PCDHGA12: variants seen among roughly 807,000 people sequenced by gnomAD.
The protein encoded by PCDHGA12 is protocadherin gamma subfamily A, 12, also known as protocadherin gamma-A12.
PCDHGA12 carries 43 observed loss-of-function variants against 61.1 expected under a neutral mutation model. The ratio of observed to expected loss-of-function variants is 0.70; its 90% CI spans 0.55 to 0.91. PCDHGA12 has a LOEUF of 0.91. Among genes scored for constraint, PCDHGA12 ranks in the 40% least tolerant of loss-of-function variants. PCDHGA12 has a pLI of 0.00. For missense variants in PCDHGA12, 1,236 were observed against 1,227.7 expected, an observed-to-expected ratio of 1.01 and a Z score of -0.10; for synonymous variants, 520 against 542.9, an observed-to-expected ratio of 0.96 and a Z score of 0.59.
intron 1 of PCDHGA12, chr5:141,442,416 T>A (rs2098323395): frequency 6.6e-6 from 1 of 152,206 alleles, no homozygotes; most frequent in Non-Finnish European, 1.5e-5. Flanking sequence ...CTGAGTGAAC[T>A]TCTTTTTTGA....
At chr5:141,435,516 C>T (rs2097767967) in intron 1 of PCDHGA12, among the ~76,000 whole-genome samples, 1 of 152,058 alleles carries the variant, frequency 6.6e-6, no homozygotes, top group Non-Finnish European at 1.5e-5. Context: ...CTAATGATGA[C>T]TTTGTGGAAT....
Position 141,431,222 on chromosome 5 carries a change from C to A in PCDHGA12, c.463C>A (p.Pro155Thr). The change falls in exon 1 of 4, where the codon CCC (proline) becomes ACC (threonine). Residue 155 changes from proline (P) to threonine (T), a missense_variant. Physicochemically the swap from Pro to Thr is conservative, Grantham distance 38 (BLOSUM62 -1). Transcript: ENST00000252085. The surrounding 1 kb of genome is among the most constrained non-coding windows in gnomAD (Gnocchi z 4.8). ...NAATEMRFPL[P>T]HAWDPDIGKN... ...AGCCACTGAGATGCGGTTCCCTCTA[C>A]CCCACGCCTGGGATCCGGATATCGG... 3 of 1,614,170 alleles carry A rather than the reference C, an allele frequency of 1.9e-6. No individual in the cohort carries two copies. The highest frequency in any genetic ancestry group is 2.5e-6 in the Non-Finnish European group (3 of 1,180,034).
At chr5:141,467,460 T>G (rs1354012953) in intron 1 of PCDHGA12, among the ~76,000 whole-genome samples, 1 of 152,246 alleles carries the variant, frequency 6.6e-6, no homozygotes. Context: ...CCAGTGCTAG[T>G]ACTTGCATGG....
At chr5:141,452,256 C>T (rs533770410) in intron 1 of PCDHGA12, among the ~76,000 whole-genome samples, 1 of 152,298 alleles carries the variant, frequency 6.6e-6, no homozygotes, top group African/African-American at 2.4e-5. Flanking sequence ...CCATAACTCT[C>T]TCATTTTCTT....
chr5:141,508,994 A>G (rs2099873731), intron 3 of PCDHGA12, among the ~76,000 whole-genome samples: 1 of 152,052 alleles, frequency 6.6e-6, no homozygotes, highest in South Asian at 2.1e-4. Flanking sequence ...CAGCTGGGGT[A>G]GGAGAGGAGG....
Position 141,511,042 on chromosome 5 carries a change from G to C in PCDHGA12, c.2668G>C (p.Asp890His), listed in dbSNP as rs774071540. Residue 890 changes from aspartate (D) to histidine (H), a missense_variant, in exon 4 of 4, where the codon GAC becomes CAC. Transcript: ENST00000252085. Reference sequence around the variant, plus strand: ...CCAGTTCACCCTGCAGCACGTGCCCGACTACCGCCAGAATGTCTACATCCC... The same window carrying C: ...CCAGTTCACCCTGCAGCACGTGCCCCACTACCGCCAGAATGTCTACATCCC... ...GPQFTLQHVP[D>H]YRQNVYIPGS... 6.2e-7 allele frequency: 1 copy of C among 1,614,182 alleles called. No homozygotes were observed. Among genetic ancestry groups the C allele is most frequent in the South Asian group, 1.1e-5 (1 of 91,084 alleles).
rs777856819 is a variant in PCDHGA12, at chr5:141,487,572, T to A, written c.2425-7235T>A. On this transcript the variant is annotated intron_variant, in intron 1 of 3. Coordinates refer to ENST00000252085, the MANE Select transcript of PCDHGA12 (RefSeq NM_003735.3). The surrounding 1 kb of genome is among the most constrained non-coding windows in gnomAD (Gnocchi z 5.0). ...AGTGCACCTATGGCAGGGGAGCCTG[T>A]TCGCCCAAGCTGCCCACCCTCTGAT... 1 of 1,614,168 alleles carries A rather than the reference T, an allele frequency of 6.2e-7. No individual in the cohort carries two copies. Among genetic ancestry groups the A allele is most frequent in the Non-Finnish European group, 8.5e-7 (1 of 1,180,034 alleles).
Position 141,477,540 on chromosome 5 carries a change from C to T in PCDHGA12, c.2425-17267C>T, listed in dbSNP as rs777796922. On this transcript the variant is annotated intron_variant, in intron 1 of 3. Coordinates refer to ENST00000252085, the MANE Select transcript of PCDHGA12 (RefSeq NM_003735.3). The surrounding 1 kb of genome is among the most constrained non-coding windows in gnomAD (Gnocchi z 4.9). Reference sequence around the variant, plus strand: ...GAAGAAAACAACCTCCCCGGGGCTCCAATACTAAACCTAAGTGTCTGGGAC... The same window carrying T: ...GAAGAAAACAACCTCCCCGGGGCTCTAATACTAAACCTAAGTGTCTGGGAC... The T allele has an allele frequency of 6.8e-6, 11 of 1,614,036 alleles. 1 individual carries two copies. Among genetic ancestry groups the T allele is most frequent in the African/African-American group, 2.7e-5 (2 of 74,920 alleles).
Position 141,489,842 on chromosome 5 carries a change from A to T in PCDHGA12, c.2425-4965A>T. ...GAGCTGGTGCTAGAGCAGCAGCTGGATCGTGAAGCCCAGGCAAGACATCAG... is the reference window on the plus strand; with the variant it reads ...GAGCTGGTGCTAGAGCAGCAGCTGGTTCGTGAAGCCCAGGCAAGACATCAG... On this transcript the variant is annotated intron_variant, in intron 1 of 3. Coordinates refer to ENST00000252085, the MANE Select transcript of PCDHGA12 (RefSeq NM_003735.3). The surrounding 1 kb of genome is among the most constrained non-coding windows in gnomAD (Gnocchi z 4.5). 6.2e-7 allele frequency: 1 copy of T among 1,614,186 alleles called. No homozygotes were observed. Among genetic ancestry groups the T allele is most frequent in the South Asian group, 1.1e-5 (1 of 91,086 alleles).
chr5:141,446,256 T>C lies in PCDHGA12; in HGVS notation c.2424+13073T>C, dbSNP rs535879308. On this transcript the variant is annotated intron_variant, in intron 1 of 3. Transcript: ENST00000252085. Reference sequence around the variant, plus strand: ...CAAGTGGTAGATCTTCAGTGAAATATTATTAACTGAATAAATACAATGGAT... The same window carrying C: ...CAAGTGGTAGATCTTCAGTGAAATACTATTAACTGAATAAATACAATGGAT... Among the ~76,000 whole-genome samples the C allele has an allele frequency of 2.0e-5, 3 of 152,310 alleles. No homozygotes were observed. The East Asian group carries it at 5.8e-4, about 29-fold the overall frequency.
At chr5:141,453,786 A>G (rs2098774297) in intron 1 of PCDHGA12, among the ~76,000 whole-genome samples, 1 of 152,252 alleles carries the variant, frequency 6.6e-6, no homozygotes, top group Non-Finnish European at 1.5e-5. Flanking sequence ...TTACCATGGT[A>G]TATTAACTTT....
intron 1 of PCDHGA12, chr5:141,441,694 G>A (rs1443778772): frequency 2.3e-5 from 7 of 301,140 alleles, no homozygotes; most frequent in Non-Finnish European, 2.6e-5. Context: ...GAGCAGCCGC[G>A]AGCCTTCAAG....
Position 141,478,294 on chromosome 5 carries a change from A to G in PCDHGA12, c.2425-16513A>G, listed in dbSNP as rs147994096. The G allele has an allele frequency of 3.6e-3, 5,805 of 1,614,110 alleles. 30 individuals are homozygous for G. Among genetic ancestry groups the G allele is most frequent in the Non-Finnish European group, 3.4e-3 (4,026 of 1,180,032 alleles). The stretch of plus-strand genomic sequence containing the variant: ...ACAAGTGGAAGCAGTCTAGAGACCT[A>G]TACCGAGCCCCGGTGAGCTCACTGT... On this transcript the variant is annotated intron_variant, in intron 1 of 3. Coordinates refer to ENST00000252085, the MANE Select transcript of PCDHGA12 (RefSeq NM_003735.3).
At chr5:141,495,480 C>A (rs2099761689) in intron 2 of PCDHGA12, among the ~76,000 whole-genome samples, 1 of 152,208 alleles carries the variant, frequency 6.6e-6, no homozygotes, top group African/African-American at 2.4e-5. Flanking sequence ...CGTGTCTCTG[C>A]CCCTTTTTCT....
chr5:141,498,312 T>C (rs2099783060), intron 2 of PCDHGA12, among the ~76,000 whole-genome samples: 1 of 151,714 alleles, frequency 6.6e-6, no homozygotes, highest in Non-Finnish European at 1.5e-5. Context: ...TCACACTGCC[T>C]ACACAGAAGG....
intron 2 of PCDHGA12, among the ~76,000 whole-genome samples, chr5:141,496,500 C>T (rs1350421492): frequency 6.6e-6 from 1 of 152,162 alleles, no homozygotes; most frequent in Non-Finnish European, 1.5e-5. Flanking sequence ...ACCCTTGTTG[C>T]CACAAGGACC....
rs903741318 is a variant in PCDHGA12, at chr5:141,454,939, C to G, written c.2424+21756C>G. On this transcript the variant is annotated intron_variant, in intron 1 of 3. Coordinates refer to ENST00000252085, the MANE Select transcript of PCDHGA12 (RefSeq NM_003735.3). ...TCTCCTGCCTCAGCCTCCCGAGTAG[C>G]TGGGACTACAGGCGCCGGCCACCAC... 6.0e-5 allele frequency among the ~76,000 whole-genome samples: 9 copies of G among 150,982 alleles called. No homozygotes were observed. The East Asian group carries it at 1.8e-3, about 30-fold the overall frequency.
At chr5:141,467,564 G>A (rs926613546) in intron 1 of PCDHGA12, among the ~76,000 whole-genome samples, 5 of 152,152 alleles carry the variant, frequency 3.3e-5, no homozygotes, top group Admixed American at 3.3e-4. Flanking sequence ...TTCCCAAATG[G>A]CTATCCAGTT....
chr5:141,449,688 T>G (rs951233495), intron 1 of PCDHGA12, among the ~76,000 whole-genome samples: 2 of 151,772 alleles, frequency 1.3e-5, no homozygotes, highest in African/African-American at 4.8e-5. Context: ...TATGTTTGTG[T>G]GTATGTACAC....
Sources: gnomAD v4.1 joint callset for allele counts (sites outside exome capture counted in the v4.1 genomes callset) on GRCh38, gnomAD v4.1.1 for gene constraint, Gnocchi (gnomAD v3.1) non-coding constraint, MANE v1.5 for transcripts, NCBI Gene and HGNC (gene_info 2026-07-23, HGNC 2026-07-21) for gene names.